MEAK7: variants seen among roughly 807,000 people sequenced by gnomAD.
MEAK7 encodes the protein MTOR associated protein MEAK7.
A neutral mutation model predicts 40.5 loss-of-function variants in MEAK7; 68 were observed. The observed-to-expected ratio is 1.68, with a 90% CI of 1.38 to 2.06. The LOEUF (loss-of-function observed/expected upper bound fraction) is 2.06, where lower values mean the gene tolerates loss of function less well. Among genes scored for constraint, MEAK7 ranks in the 30% most tolerant of loss-of-function variants. The pLI, the probability that MEAK7 is intolerant of heterozygous loss-of-function variation, is 0.00. For synonymous variants in MEAK7, 338 were observed against 231.9 expected, an observed-to-expected ratio of 1.46 and a Z score of -4.16; for missense variants, 918 against 580.5, an observed-to-expected ratio of 1.58 and a Z score of -5.98.
intron 6 of MEAK7, among the ~76,000 whole-genome samples, chr16:84,481,829 G>T (rs549562893): frequency 6.6e-6 from 1 of 152,268 alleles, no homozygotes; most frequent in Non-Finnish European, 1.5e-5. Flanking sequence ...AGCTACTTGG[G>T]AGGCTGAGGC....
rs1288767930 is a variant in MEAK7, at chr16:84,504,629, C to A, written c.-54G>T. On this transcript the variant is annotated 5_prime_UTR_variant, in exon 1 of 8. Transcript: ENST00000343629. ...GCCGGGCTTCCTGGTGCTGTCCGGT[C>A]CGGTCCAGCAGCCCACGGGCTCCTC... 31 of 985,538 alleles carry A rather than the reference C, an allele frequency of 3.1e-5. No homozygotes were observed. The highest frequency in any genetic ancestry group is 3.4e-5 in the Non-Finnish European group (28 of 830,068). The allele number at this position is 985,538 out of a possible 1,614,324, so 61.0% of individuals were successfully genotyped here. A position where few individuals can be genotyped will look rare whatever the true frequency, so the allele number is the denominator to read the frequency against.
At position 84,479,707 on chromosome 16, in the gene MEAK7, T is replaced by TA; in HGVS notation, c.*205dup. On this transcript the variant is annotated 3_prime_UTR_variant, in exon 8 of 8. Transcript: ENST00000343629. ...ACCCTGTAGGGAAAAAAAGAAAACT[T>TA]AAAAAACATCTATTTCTGGGAGATC... 2.5e-6 allele frequency: 1 copy of TA among 408,100 alleles called. No individual in the cohort carries two copies. Among genetic ancestry groups the TA allele is most frequent in the Non-Finnish European group, 4.4e-6 (1 of 227,968 alleles). The allele number at this position is 408,100 out of a possible 1,614,324, so 25.3% of individuals were successfully genotyped here.
At chr16:84,487,166 T>G in intron 4 of MEAK7, 107 bp from the exon 5 acceptor site, 1 of 1,168,406 alleles carries the variant, frequency 8.6e-7, no homozygotes. Context: ...ATGCAATTAC[T>G]GAGCACAGAA....
Position 84,489,267 on chromosome 16 carries a change from C to A in MEAK7, c.529+11G>T, listed in dbSNP as rs139220522. ...CAAAAGACCTGCATCACCGCGTCCA[C>A]GCACACTTGCCTTGCAGCTTCATGT... is the stretch of plus-strand genomic sequence containing the variant. On this transcript the variant is annotated intron_variant, in intron 4 of 7. Transcript: ENST00000343629. The A allele has an allele frequency of 1.2e-6, 2 of 1,613,392 alleles. No individual in the cohort carries two copies. Among genetic ancestry groups the A allele is most frequent in the East Asian group, 2.2e-5 (1 of 44,878 alleles).
intron 2 of MEAK7, chr16:84,497,565 T>C (rs534079006): frequency 2.3e-6 from 3 of 1,298,124 alleles, no homozygotes; most frequent in African/African-American, 1.5e-5. Context: ...AGGCAGGCTA[T>C]CTCTCTCCTC....
At position 84,504,596 on chromosome 16, in the gene MEAK7, C is replaced by A; in HGVS notation, c.-26+5G>T. The A allele has an allele frequency of 2.0e-6, 2 of 985,744 alleles. No homozygotes were observed. Among genetic ancestry groups the A allele is most frequent in the Non-Finnish European group, 2.4e-6 (2 of 830,136 alleles). 61.1% of individuals were successfully genotyped at this position (985,744 alleles called of 1,614,324 possible). On this transcript the variant is annotated splice_donor_5th_base_variant and intron_variant, in intron 1 of 7. Transcript: ENST00000343629. ...CTCACTGCGAACCTCAGCCCAGGTA[C>A]CTACCCTGCCGGGCTTCCTGGTGCT...
chr16:84,502,250 T>C (rs1316817875), intron 1 of MEAK7, among the ~76,000 whole-genome samples: 2 of 152,042 alleles, frequency 1.3e-5, no homozygotes, highest in African/African-American at 2.4e-5. Flanking sequence ...CCAGGGGCAT[T>C]TGGCAATGAC....
chr16:84,487,292 TC>T (rs1913175484), intron 4 of MEAK7: 1 of 518,022 alleles, frequency 1.9e-6, no homozygotes, highest in Admixed American at 3.7e-5. Flanking sequence ...TCATTACATT[TC>T]AAAATTGTAT....
rs1178076050 is a variant in MEAK7, at chr16:84,479,738, A to G, written c.*175T>C. ...ACATCTATTTCTGGGAGATCCACCC[A>G]TGAGTCAGGACATGGCTTCAGAGGG... On this transcript the variant is annotated 3_prime_UTR_variant, in exon 8 of 8. Coordinates refer to ENST00000343629, the MANE Select transcript of MEAK7 (RefSeq NM_020947.4). The G allele has an allele frequency of 2.3e-6, 1 of 428,992 alleles. No individual in the cohort carries two copies. The highest frequency in any genetic ancestry group is 2.0e-5 in the African/African-American group (1 of 49,122). The allele number at this position is 428,992 out of a possible 1,614,324, so 26.6% of individuals were successfully genotyped here. A position where few individuals can be genotyped will look rare whatever the true frequency, so the allele number is the denominator to read the frequency against.
Position 84,498,775 on chromosome 16 carries a change from C to T in MEAK7, c.-25-664G>A, listed in dbSNP as rs150933877. 3.4e-3 allele frequency among the ~76,000 whole-genome samples: 518 copies of T among 152,240 alleles called. 2 individuals are homozygous for T. The highest frequency in any genetic ancestry group is 5.3e-3 in the Non-Finnish European group (358 of 68,022). ...CAATCTAAATATTCATTCTTTAAAA[C>T]CAGAGTTAGAAAATATAAATCAAAG... On this transcript the variant is annotated intron_variant, in intron 1 of 7. Transcript: ENST00000343629.
In MEAK7 at chr16:84,479,899, G is replaced by A. The variant is rs1026243287; in HGVS notation, c.*14C>T. The A allele has an allele frequency of 6.3e-7, 1 of 1,578,728 alleles. No homozygotes were observed. Among genetic ancestry groups the A allele is most frequent in the Non-Finnish European group, 8.6e-7 (1 of 1,156,456 alleles). On this transcript the variant is annotated 3_prime_UTR_variant, in exon 8 of 8. Transcript: ENST00000343629. ...GAATCCAGGTCCTGGCTCCAGGAAG[G>A]CTCAGGCGGCTCCTCATTCATCGTC... is the stretch of plus-strand genomic sequence containing the variant.
intron 2 of MEAK7, among the ~76,000 whole-genome samples, chr16:84,496,114 T>G (rs1019257304): frequency 3.9e-5 from 6 of 152,324 alleles, no homozygotes; most frequent in African/African-American, 1.4e-4. Flanking sequence ...TGCCGGCCAT[T>G]AGAAACTGGG....
chr16:84,502,396 C>A (rs997492394), intron 1 of MEAK7, among the ~76,000 whole-genome samples: 1 of 152,002 alleles, frequency 6.6e-6, no homozygotes, highest in Non-Finnish European at 1.5e-5. Context: ...TCCCAGACAT[C>A]GGTAGGGCTG....
chr16:84,485,760 G>A (rs552213178), intron 5 of MEAK7, among the ~76,000 whole-genome samples: 3 of 152,250 alleles, frequency 2.0e-5, no homozygotes, highest in African/African-American at 7.2e-5. Flanking sequence ...TCGGCTCACT[G>A]CAACTCTGCT....
intron 1 of MEAK7, 89 bp downstream of exon 1, chr16:84,504,512 T>C: frequency 1.2e-6 from 1 of 840,554 alleles, no homozygotes; most frequent in Non-Finnish European, 1.4e-6. Flanking sequence ...GGCCCAGGCC[T>C]ACTCTGGACC....
chr16:84,494,791 C>T (rs774297200), intron 3 of MEAK7: 1 of 455,718 alleles, frequency 2.2e-6, no homozygotes, highest in South Asian at 1.6e-5. Flanking sequence ...AACCCAAGCC[C>T]TGAGACTCAT....
At chr16:84,488,645 G>C (rs780362046) in intron 4 of MEAK7, among the ~76,000 whole-genome samples, 9 of 152,074 alleles carry the variant, frequency 5.9e-5, no homozygotes, top group Non-Finnish European at 1.0e-4. Context: ...GGCAATTTGA[G>C]GAATTCACAG....
chr16:84,497,566 C>G (rs1053654228), intron 2 of MEAK7: 23 of 1,298,550 alleles, frequency 1.8e-5, no homozygotes, highest in Admixed American at 2.3e-5. Flanking sequence ...GGCAGGCTAT[C>G]TCTCTCCTCT....
chr16:84,504,218 A>AC (rs1222594112), intron 1 of MEAK7: 1 of 938,992 alleles, frequency 1.1e-6, no homozygotes. Context: ...TTCAGTGTCT[A>AC]CCCCAGACTC....
Sources: gnomAD v4.1 joint callset for allele counts (sites outside exome capture counted in the v4.1 genomes callset) on GRCh38, gnomAD v4.1.1 for gene constraint, MANE v1.5 for transcripts, NCBI Gene and HGNC (gene_info 2026-07-23, HGNC 2026-07-21) for gene names.